EHBP1: variants seen among roughly 807,000 people sequenced by gnomAD.
EHBP1 encodes EH domain-binding protein 1.
EHBP1 carries 55 observed loss-of-function variants against 144.0 expected under a neutral mutation model. The observed-to-expected ratio is 0.38, with a 90% confidence interval of 0.31 to 0.48. The LOEUF (loss-of-function observed/expected upper bound fraction) is 0.48. EHBP1 is among the 20% of genes least tolerant of loss of function. The probability of loss-of-function intolerance (pLI) is 0.98; values close to 1 mark genes in which losing one functional copy is unlikely to be tolerated. For missense variants in EHBP1, 1,200 were observed against 1,364.2 expected, an observed-to-expected ratio of 0.88 and a Z score of 1.90; for synonymous variants, 469 against 472.7, an observed-to-expected ratio of 0.99 and a Z score of 0.10.
At chr2:62,968,698 C>T (rs980838031) in intron 14 of EHBP1, among the ~76,000 whole-genome samples, 1 of 152,026 alleles carries the variant, frequency 6.6e-6, no homozygotes, top group Non-Finnish European at 1.5e-5. Context: ...ACTGTTAGAC[C>T]TTCTACTTTT....
At chr2:62,968,793 A>G (rs930061512) in intron 14 of EHBP1, among the ~76,000 whole-genome samples, 3 of 152,188 alleles carry the variant, frequency 2.0e-5, no homozygotes, top group Non-Finnish European at 4.4e-5. Context: ...TGACAAATCT[A>G]TCTCCTTCTG....
At position 62,948,777 on chromosome 2, in the gene EHBP1, A is replaced by C. The variant is rs1207402012; in HGVS notation, c.1931A>C (p.Gln644Pro). ...ATATGTTCCAATACAGATTCAACCC[A>C]AGCACAGGTTTTGTTAGGCAAAAAG... Reference protein sequence around the residue: ...PGICSNTDSTQAQVLLGKKRL... With the variant: ...PGICSNTDSTPAQVLLGKKRL... The change falls in exon 13 of 23, where the codon CAA becomes CCA. Residue 644 changes from glutamine to proline, a missense_variant. Around this residue, in one of 6 missense-constraint regions of EHBP1, gnomAD observed 543 missense variants for 513.1 expected, o/e 1.06. Coordinates refer to ENST00000431489, the MANE Select transcript of EHBP1 (RefSeq NM_001142616.3). 6.2e-7 allele frequency: 1 copy of C among 1,614,020 alleles called. No individual in the cohort carries two copies. Among genetic ancestry groups the C allele is most frequent in the Non-Finnish European group, 8.5e-7 (1 of 1,179,996 alleles).
chr2:62,686,562 G>A (rs2033725176), intron 1 of EHBP1, among the ~76,000 whole-genome samples: 1 of 152,066 alleles, frequency 6.6e-6, no homozygotes, highest in Admixed American at 6.6e-5. Context: ...TCACCGTATT[G>A]CTCTCTGCAA....
chr2:62,923,153 A>G (rs756116498), intron 10 of EHBP1, among the ~76,000 whole-genome samples: 22 of 152,242 alleles, frequency 1.4e-4, no homozygotes, highest in South Asian at 4.1e-4. Flanking sequence ...CTCCATCTTC[A>G]TTCCTCCAAA....
intron 19 of EHBP1, among the ~76,000 whole-genome samples, chr2:63,008,446 T>C (rs2060132441): frequency 6.6e-6 from 1 of 151,626 alleles, no homozygotes; most frequent in Non-Finnish European, 1.5e-5. Context: ...TCTTGTCTGC[T>C]TTATGCCCTC....
At chr2:62,761,141 T>C (rs1431172433) in intron 3 of EHBP1, among the ~76,000 whole-genome samples, 2 of 152,090 alleles carry the variant, frequency 1.3e-5, no homozygotes, top group Non-Finnish European at 2.9e-5. Context: ...GGAGTTTTGA[T>C]TGATTATCTA....
chr2:62,967,716 T>C (rs1265990752), intron 14 of EHBP1, among the ~76,000 whole-genome samples: 2 of 152,168 alleles, frequency 1.3e-5, no homozygotes, highest in African/African-American at 4.8e-5. Context: ...AGACAATGTA[T>C]AGGTATTTTC....
intron 19 of EHBP1, among the ~76,000 whole-genome samples, chr2:63,003,086 T>C (rs1326094129): frequency 6.6e-6 from 1 of 152,106 alleles, no homozygotes; most frequent in Middle Eastern, 3.2e-3. Context: ...ATACCTAGAC[T>C]TATAAGTTTG....
intron 2 of EHBP1, among the ~76,000 whole-genome samples, chr2:62,720,823 T>C (rs77860377): frequency 0.017 from 2,577 of 152,292 alleles, 80 homozygotes; most frequent in African/African-American, 0.059. Flanking sequence ...TGACAGTTGA[T>C]GAGCTTTAAA....
intron 10 of EHBP1, among the ~76,000 whole-genome samples, chr2:62,932,703 C>A (rs1379638796): frequency 2.0e-5 from 3 of 152,090 alleles, no homozygotes; most frequent in Non-Finnish European, 4.4e-5. Context: ...CCTGTAATCT[C>A]AGCACTTTGG....
At chr2:63,043,616 C>G (rs2061772676) in intron 21 of EHBP1, among the ~76,000 whole-genome samples, 1 of 152,098 alleles carries the variant, frequency 6.6e-6, no homozygotes, top group Non-Finnish European at 1.5e-5. Flanking sequence ...ATAGAATTCC[C>G]TCTAGCACCA....
intron 21 of EHBP1, among the ~76,000 whole-genome samples, chr2:63,041,497 G>A (rs966498373): frequency 2.6e-5 from 4 of 152,204 alleles, no homozygotes; most frequent in Non-Finnish European, 4.4e-5. Flanking sequence ...TGAAGTGGGC[G>A]CTCTTCTAAA....
At chr2:62,762,877 A>T (rs2040872751) in intron 3 of EHBP1, among the ~76,000 whole-genome samples, 1 of 152,130 alleles carries the variant, frequency 6.6e-6, no homozygotes, top group Admixed American at 6.6e-5. Flanking sequence ...GAAACCCTCC[A>T]GTGGCTTCCC....
intron 10 of EHBP1, among the ~76,000 whole-genome samples, chr2:62,908,643 AT>A (rs1234551230): frequency 4.6e-5 from 7 of 151,898 alleles, no homozygotes; most frequent in Admixed American, 4.6e-4. Flanking sequence ...ATACTTCCTA[AT>A]TTTTTTTATT....
At chr2:62,857,099 G>T (rs2049121573) in intron 7 of EHBP1, among the ~76,000 whole-genome samples, 2 of 152,250 alleles carry the variant, frequency 1.3e-5, no homozygotes, top group South Asian at 2.1e-4. Context: ...TTCCCTATAG[G>T]CTCCAGAAAG....
chr2:62,799,248 A>G (rs931903293), intron 5 of EHBP1, among the ~76,000 whole-genome samples: 32 of 152,320 alleles, frequency 2.1e-4, no homozygotes, highest in Non-Finnish European at 1.5e-4. Flanking sequence ...TACATTATCT[A>G]TATGAAATGT....
chr2:63,032,111 G>A (rs764305725), intron 19 of EHBP1, among the ~76,000 whole-genome samples: 1 of 152,022 alleles, frequency 6.6e-6, no homozygotes, highest in Non-Finnish European at 1.5e-5. Context: ...GTCAGTTCAA[G>A]CATTAGGAGA....
chr2:62,810,600 G>C lies in EHBP1; in HGVS notation c.313-15487G>C, dbSNP rs1056390259. Among the ~76,000 whole-genome samples, 5 of 152,314 alleles carry C rather than the reference G, an allele frequency of 3.3e-5. No individual in the cohort carries two copies. In the South Asian group the frequency reaches 6.2e-4, roughly 19 times the overall value. Reference sequence around the variant, plus strand: ...GTAATGTGGGTAAAATGAGCAATGGGCACTTGGGTGCTTAGATCGGGAGCT... The same window carrying C: ...GTAATGTGGGTAAAATGAGCAATGGCCACTTGGGTGCTTAGATCGGGAGCT... On this transcript the variant is annotated intron_variant, in intron 5 of 22. Transcript: ENST00000431489.
chr2:62,706,991 T>A lies in EHBP1; in HGVS notation c.-201T>A. ...ACTCATCCTGTCACGTATATCATAG[T>A]GTTCTTGACTGGGCCATTCATCTAA... On this transcript the variant is annotated 5_prime_UTR_variant, in exon 2 of 23. Transcript: ENST00000431489. 1 of 540,888 alleles carries A rather than the reference T, an allele frequency of 1.8e-6. No individual in the cohort carries two copies. The highest frequency in any genetic ancestry group is 3.3e-6 in the Non-Finnish European group (1 of 299,060). The allele number at this position is 540,888 out of a possible 1,614,324, so 33.5% of individuals were successfully genotyped here.
Sources: gnomAD v4.1 joint callset for allele counts (sites outside exome capture counted in the v4.1 genomes callset) on GRCh38, gnomAD v4.1.1 for gene constraint, gnomAD v4.1.1 regional missense constraint, MANE v1.5 for transcripts, NCBI Gene and HGNC (gene_info 2026-07-23, HGNC 2026-07-21) for gene names.